SLC30A10: variants seen among roughly 807,000 people sequenced by gnomAD.
SLC30A10 encodes the protein solute carrier family 30 member 10, also known as calcium/manganese antiporter SLC30A10.
In SLC30A10, 8 loss-of-function variants were observed where a neutral mutation model predicts 21.7. That is an observed-to-expected ratio of 0.37 (90% CI 0.22 to 0.67). The LOEUF (loss-of-function observed/expected upper bound fraction) is 0.67. Ranked by LOEUF, SLC30A10 falls within the 30% of genes least tolerant of loss-of-function variation. The pLI is 0.58. For missense variants in SLC30A10, 521 were observed against 642.5 expected (o/e 0.81, Z 2.04); for synonymous variants, 272 against 279.4 (o/e 0.97, Z 0.26).
At chr1:219,935,107 T>C (rs74139245) in intron 1 of SLC30A10, among the ~76,000 whole-genome samples, 19,373 of 151,668 alleles carry the variant, frequency 0.13, 1,575 homozygotes, top group African/African-American at 0.23. Context: ...GGGGGAAAAA[T>C]CAGCTTTTAG....
At chr1:219,924,206 A>C (rs11118458) in intron 2 of SLC30A10, among the ~76,000 whole-genome samples, 43,187 of 152,188 alleles carry the variant, frequency 0.28, 6,715 homozygotes, top group East Asian at 0.4. Context: ...AGTGGGACAC[A>C]GTCCTGCTTT....
At chr1:219,916,173 AACG>A (rs1659539323) in intron 3 of SLC30A10, among the ~76,000 whole-genome samples, 1 of 152,204 alleles carries the variant, frequency 6.6e-6, no homozygotes, top group South Asian at 2.1e-4. Context: ...TAAGTCTAAC[AACG>A]ACAAGAAAAA....
chr1:219,915,343 T>G lies in SLC30A10; in HGVS notation c.*106A>C. ...ACCCCTAGTGAACACAGAGCATGCATGCTGCAAGTCTAGTCTGGGCCTACA... is the reference window on the plus strand; with the variant it reads ...ACCCCTAGTGAACACAGAGCATGCAGGCTGCAAGTCTAGTCTGGGCCTACA... On this transcript the variant is annotated 3_prime_UTR_variant, in exon 4 of 4. Coordinates refer to ENST00000366926, the MANE Select transcript of SLC30A10 (RefSeq NM_018713.3). 1 of 1,386,124 alleles carries G rather than the reference T, an allele frequency of 7.2e-7. No homozygotes were observed. Among genetic ancestry groups the G allele is most frequent in the Non-Finnish European group, 9.9e-7 (1 of 1,011,386 alleles). 85.9% of individuals were successfully genotyped at this position (1,386,124 alleles called of 1,614,324 possible). A position where few individuals can be genotyped will look rare whatever the true frequency, so the allele number is the denominator to read the frequency against.
chr1:219,911,151 T>TTTTTTTTTTTTTTTTTTTTTTTTTTTTG lies in SLC30A10; in HGVS notation c.*4297_*4298insCAAAAAAAAAAAAAAAAAAAAAAAAAAA, dbSNP rs1659404449. Among the ~76,000 whole-genome samples the TTTTTTTTTTTTTTTTTTTTTTTTTTTTG allele has an allele frequency of 1.1e-5, 1 of 93,044 alleles. No individual in the cohort carries two copies. The highest frequency in any genetic ancestry group is 1.3e-4 in the Admixed American group (1 of 7,922). 61.0% of individuals were successfully genotyped at this position (93,044 alleles called of 152,430 possible). A position where few individuals can be genotyped will look rare whatever the true frequency, so the allele number is the denominator to read the frequency against. ...GTTTCTTCATTTTTTCTACATCAGT[T>TTTTTTTTTTTTTTTTTTTTTTTTTTTTG]TTTTTTTTTTTTTTTTTTTTTTTGC... On this transcript the variant is annotated 3_prime_UTR_variant, in exon 4 of 4. Transcript: ENST00000366926.
At chr1:219,943,344 C>A (rs1253247375) in intron 1 of SLC30A10, among the ~76,000 whole-genome samples, 2 of 152,084 alleles carry the variant, frequency 1.3e-5, no homozygotes, top group Non-Finnish European at 2.9e-5. Flanking sequence ...TAATGGAGAC[C>A]CTGATCTCCC....
At position 219,918,607 on chromosome 1, in the gene SLC30A10, T is replaced by C; in HGVS notation, c.719-113A>G. Reference sequence around the variant, plus strand: ...TCTGTTACCATTTGGAGTTTTTTGGTTTTTGTTTTGGTTAGAACAGTAGGA... The same window carrying C: ...TCTGTTACCATTTGGAGTTTTTTGGCTTTTGTTTTGGTTAGAACAGTAGGA... On this transcript the variant is annotated intron_variant, in intron 2 of 3. Transcript: ENST00000366926. The surrounding 1 kb of genome is among the most constrained non-coding windows in gnomAD (Gnocchi z 4.4). 2 of 1,431,052 alleles carry C rather than the reference T, an allele frequency of 1.4e-6. No individual in the cohort carries two copies. Among genetic ancestry groups the C allele is most frequent in the East Asian group, 4.6e-5 (2 of 43,054 alleles). 88.6% of individuals were successfully genotyped at this position (1,431,052 alleles called of 1,614,324 possible).
intron 1 of SLC30A10, among the ~76,000 whole-genome samples, chr1:219,953,996 G>T (rs186214042): frequency 1.8e-4 from 28 of 151,906 alleles, no homozygotes; most frequent in African/African-American, 6.0e-4. Context: ...GTGAGCCACC[G>T]CGCCCGGCCT....
chr1:219,930,715 A>G (rs937523017), upstream of SLC30A10, among the ~76,000 whole-genome samples: 1 of 152,232 alleles, frequency 6.6e-6, no homozygotes, highest in African/African-American at 2.4e-5. Flanking sequence ...CATTGGAAGT[A>G]TTTTCTAAAA....
chr1:219,942,389 CTTGATCAAAGG>C (rs757646826), intron 1 of SLC30A10, among the ~76,000 whole-genome samples: 127 of 152,180 alleles, frequency 8.3e-4, no homozygotes, highest in Non-Finnish European at 1.5e-3. Context: ...AGTTTGACTC[CTTGATCAAAGG>C]TTGAACCAAA....
rs772644239 is a variant in SLC30A10 at position 219,915,346 on chromosome 1, T to C, written c.*103A>G. On this transcript the variant is annotated 3_prime_UTR_variant, in exon 4 of 4. Coordinates refer to ENST00000366926, the MANE Select transcript of SLC30A10 (RefSeq NM_018713.3). ...CCTAGTGAACACAGAGCATGCATGC[T>C]GCAAGTCTAGTCTGGGCCTACAACC... The C allele has an allele frequency of 1.4e-5, 20 of 1,417,436 alleles. No homozygotes were observed. Among genetic ancestry groups the C allele is most frequent in the Non-Finnish European group, 1.8e-5 (19 of 1,038,844 alleles). 87.8% of individuals were successfully genotyped at this position (1,417,436 alleles called of 1,614,324 possible). A position where few individuals can be genotyped will look rare whatever the true frequency, so the allele number is the denominator to read the frequency against.
chr1:219,916,304 A>AG (rs1659542625), intron 3 of SLC30A10, among the ~76,000 whole-genome samples: 3 of 152,180 alleles, frequency 2.0e-5, no homozygotes, highest in Admixed American at 1.3e-4. Flanking sequence ...ATCAAAAAAA[A>AG]CCTTTCCTAG....
rs565579865 is a variant in SLC30A10, at chr1:219,951,994, G to T, written n.80+6574C>A. ...CATCAAAACAACACATGTTTTGTAC[G>T]GTTTGTAGAAATAGTGATGGATCTG... On this transcript the variant is annotated intron_variant and non_coding_transcript_variant, in intron 1 of 8. Transcript: ENST00000484239. Among the ~76,000 whole-genome samples the T allele has an allele frequency of 2.6e-5, 4 of 152,090 alleles. No individual in the cohort carries two copies. In the South Asian group the frequency reaches 8.3e-4, roughly 32 times the overall value.
Position 219,914,977 on chromosome 1 carries a change from CT to C in SLC30A10, c.*471del, listed in dbSNP as rs911765451. 1 of 153,810 alleles carries C rather than the reference CT, an allele frequency of 6.5e-6. No individual in the cohort carries two copies. Among genetic ancestry groups the C allele is most frequent in the African/African-American group, 2.4e-5 (1 of 41,428 alleles). 9.5% of individuals were successfully genotyped at this position (153,810 alleles called of 1,614,324 possible). On this transcript the variant is annotated 3_prime_UTR_variant, in exon 4 of 4. Transcript: ENST00000366926. ...AGATATTTCTTCAGTGCCAGAAATACTTAACTTGCCTCTTTTATGATCGTTA... is the reference window on the plus strand; with the variant it reads ...AGATATTTCTTCAGTGCCAGAAATACTAACTTGCCTCTTTTATGATCGTTA...
Position 219,915,725 on chromosome 1 carries a change from C to G in SLC30A10, c.1182G>C (p.Lys394Asn). Reference sequence around the variant, plus strand: ...GTGAGTTGCAGAGCAACAGTAAGTCCTTCTGCTCCAGGGGTTCCTTCAAGT... The same window carrying G: ...GTGAGTTGCAGAGCAACAGTAAGTCGTTCTGCTCCAGGGGTTCCTTCAAGT... Reference protein sequence around the residue: ...NVDLKEPLEQKDLLLLCNSPC... With the variant: ...NVDLKEPLEQNDLLLLCNSPC... The change falls in exon 4 of 4, where the codon AAG becomes AAC. Residue 394 changes from lysine (K) to asparagine (N), a missense_variant. Transcript: ENST00000366926. The G allele has an allele frequency of 6.2e-7, 1 of 1,614,204 alleles. No individual in the cohort carries two copies. The highest frequency in any genetic ancestry group is 1.1e-5 in the South Asian group (1 of 91,074).
chr1:219,950,629 ACT>A (rs1660254647), intron 1 of SLC30A10, among the ~76,000 whole-genome samples: 1 of 149,620 alleles, frequency 6.7e-6, no homozygotes, highest in Non-Finnish European at 1.5e-5. Context: ...ACAGAGGAAG[ACT>A]CTGTCTAAAA....
At chr1:219,948,477 T>C (rs951035447) in intron 1 of SLC30A10, among the ~76,000 whole-genome samples, 1 of 152,204 alleles carries the variant, frequency 6.6e-6, no homozygotes, top group Non-Finnish European at 1.5e-5. Flanking sequence ...AACTATCTGA[T>C]TTTTGACAAA....
At position 219,911,165 on chromosome 1, in the gene SLC30A10, T is replaced by TTTTTTTTTTTTTTTTTA. The variant is rs1659407541; in HGVS notation, c.*4283_*4284insTAAAAAAAAAAAAAAAA. 6.9e-6 allele frequency among the ~76,000 whole-genome samples: 1 copy of TTTTTTTTTTTTTTTTTA among 145,400 alleles called. No individual in the cohort carries two copies. Among genetic ancestry groups the TTTTTTTTTTTTTTTTTA allele is most frequent in the African/African-American group, 2.5e-5 (1 of 40,144 alleles). On this transcript the variant is annotated 3_prime_UTR_variant, in exon 4 of 4. Transcript: ENST00000366926. ...TCTACATCAGTTTTTTTTTTTTTTT[T>TTTTTTTTTTTTTTTTTA]TTTTTTTTTGCAGTCTTTTACTACA...
rs552416403 is a variant in SLC30A10 at position 219,955,915 on chromosome 1, C to T, written n.80+2653G>A. On this transcript the variant is annotated intron_variant and non_coding_transcript_variant, in intron 1 of 8. Coordinates refer to the SLC30A10 transcript ENST00000484239. ...CTTTCCCTCTCATAGTTTATAACTCCTTTTATAAATATGGATGGATTAATC... is the reference window on the plus strand; with the variant it reads ...CTTTCCCTCTCATAGTTTATAACTCTTTTTATAAATATGGATGGATTAATC... 1.5e-4 allele frequency among the ~76,000 whole-genome samples: 23 copies of T among 152,256 alleles called. No homozygotes were observed. In the South Asian group the frequency reaches 4.8e-3, roughly 32 times the overall value.
chr1:219,913,897 T>G lies in SLC30A10; in HGVS notation c.*1552A>C, dbSNP rs1303717593. The G allele has an allele frequency of 2.6e-5, 4 of 152,122 alleles. No individual in the cohort carries two copies. Among genetic ancestry groups the G allele is most frequent in the Non-Finnish European group, 1.5e-5 (1 of 68,026 alleles). 9.4% of individuals were successfully genotyped at this position (152,122 alleles called of 1,614,324 possible). On this transcript the variant is annotated 3_prime_UTR_variant, in exon 4 of 4. Transcript: ENST00000366926. ...GGAGTTCAAGGCCAGCTGGGCAACA[T>G]AGCGAGACCCTGTCTCTACAAAAAA...
Sources: allele counts gnomAD v4.1 joint callset (sites outside exome capture counted in the v4.1 genomes callset), GRCh38; gene constraint gnomAD v4.1.1; non-coding constraint Gnocchi (gnomAD v3.1); transcripts MANE v1.5; gene names NCBI Gene and HGNC (gene_info 2026-07-23, HGNC 2026-07-21).